Variants in RNLS observed in about 807,000 individuals in gnomAD.
RNLS encodes the protein renalase.
RNLS carries 39 observed loss-of-function variants against 39.8 expected under a neutral mutation model. That is an observed-to-expected ratio of 0.98 (90% CI 0.76 to 1.28). The LOEUF is 1.28. RNLS is among the 50% of genes most tolerant of loss of function. RNLS has a pLI of 0.00. For synonymous variants in RNLS, 147 were observed against 150.7 expected, an observed-to-expected ratio of 0.98 and a Z score of 0.18; for missense variants, 410 against 413.3, an observed-to-expected ratio of 0.99 and a Z score of 0.07.
At chr10:88,381,572 T>G (rs567236109) in intron 4 of RNLS, among the ~76,000 whole-genome samples, 2 of 152,116 alleles carry the variant, frequency 1.3e-5, no homozygotes, top group South Asian at 2.1e-4. Flanking sequence ...AGGCTTTCAG[T>G]TGATTCTCCT....
At chr10:88,386,197 T>A (rs936219585) in intron 4 of RNLS, among the ~76,000 whole-genome samples, 2 of 152,252 alleles carry the variant, frequency 1.3e-5, no homozygotes, top group African/African-American at 4.8e-5. Context: ...TTGTTAATAC[T>A]GTGCTTAGGA....
At chr10:88,343,811 G>T (rs1460499901) in intron 5 of RNLS, 1 of 985,172 alleles carries the variant, frequency 1.0e-6, no homozygotes, top group Admixed American at 6.2e-5. Context: ...TATTTGCACT[G>T]CCAAAAGGAA....
chr10:88,259,233 G>T, the RNLS span: 1 of 152,174 alleles, frequency 6.6e-6, no homozygotes, highest in African/African-American at 2.4e-5. Flanking sequence ...AAAGAGGGAG[G>T]AGTTTCCAAA....
chr10:88,304,796 C>T (rs1272122449), intron 6 of RNLS, among the ~76,000 whole-genome samples: 1 of 152,162 alleles, frequency 6.6e-6, no homozygotes, highest in African/African-American at 2.4e-5. Flanking sequence ...AGAGCCTCCC[C>T]ATCCTAGCTA....
At chr10:88,401,778 C>T (rs1274651759) in intron 4 of RNLS, among the ~76,000 whole-genome samples, 1 of 151,932 alleles carries the variant, frequency 6.6e-6, no homozygotes, top group South Asian at 2.1e-4. Flanking sequence ...ACATCTAAAG[C>T]AAAATGAGGT....
chr10:88,312,613 T>C (rs1845458472), intron 6 of RNLS, among the ~76,000 whole-genome samples: 1 of 152,162 alleles, frequency 6.6e-6, no homozygotes, highest in Admixed American at 6.6e-5. Context: ...AGTTATTTCA[T>C]CTCTGTGAGG....
At chr10:88,379,448 T>C (rs1479043588) in intron 4 of RNLS, among the ~76,000 whole-genome samples, 1 of 152,210 alleles carries the variant, frequency 6.6e-6, no homozygotes, top group Admixed American at 6.5e-5. Flanking sequence ...TTTTCTTTCT[T>C]TTCTGTCACT....
At chr10:88,444,697 G>A (rs1000648063) in intron 4 of RNLS, among the ~76,000 whole-genome samples, 13 of 152,282 alleles carry the variant, frequency 8.5e-5, no homozygotes, top group South Asian at 6.2e-4. Context: ...TAGCCGATTC[G>A]ATCAACTGGA....
chr10:88,373,929 C>A (rs1481035359), intron 4 of RNLS, among the ~76,000 whole-genome samples: 1 of 152,112 alleles, frequency 6.6e-6, no homozygotes, highest in Admixed American at 6.6e-5. Context: ...GTATAAATAA[C>A]TGTATAATAA....
At chr10:88,498,771 T>C (rs1175083684) in intron 4 of RNLS, among the ~76,000 whole-genome samples, 1 of 152,002 alleles carries the variant, frequency 6.6e-6, no homozygotes, top group Non-Finnish European at 1.5e-5. Context: ...AATGTGTGTA[T>C]ATACGTAGAG....
chr10:88,516,726 G>A (rs1450280683), intron 4 of RNLS, among the ~76,000 whole-genome samples: 1 of 151,932 alleles, frequency 6.6e-6, no homozygotes, highest in Admixed American at 6.6e-5. Context: ...AAGGCATACT[G>A]GATTGCATTA....
At chr10:88,351,684 C>T (rs377474292) in intron 5 of RNLS, among the ~76,000 whole-genome samples, 1 of 149,618 alleles carries the variant, frequency 6.7e-6, no homozygotes, top group African/African-American at 2.4e-5. Context: ...GCTTTGTTAG[C>T]AGGCTCTTTT....
At chr10:88,564,804 G>C (rs1054090324) in intron 4 of RNLS, among the ~76,000 whole-genome samples, 10 of 152,162 alleles carry the variant, frequency 6.6e-5, no homozygotes, top group African/African-American at 2.2e-4. Context: ...TCTCCCAGCT[G>C]GGAGGAAGTT....
At chr10:88,247,076 G>A in the RNLS span, among the ~76,000 whole-genome samples, 1 of 152,216 alleles carries the variant, frequency 6.6e-6, no homozygotes, top group South Asian at 2.1e-4. Flanking sequence ...AAAAAATCTT[G>A]GTGACTTCAA....
rs563897630 is a variant in RNLS, at chr10:88,366,411, G to T, written c.527-3686C>A. On this transcript the variant is annotated intron_variant, in intron 4 of 6. Coordinates refer to ENST00000331772, the MANE Select transcript of RNLS (RefSeq NM_001031709.3). ...TAGATTAGAGAGAACAGTAGAGGAA[G>T]CCAGAAGTGGCTACAGTTTGGATGA... Among the ~76,000 whole-genome samples the T allele has an allele frequency of 3.4e-4, 51 of 151,966 alleles. 2 individuals are homozygous for T. Among genetic ancestry groups the T allele is most frequent in the African/African-American group, 1.1e-3 (47 of 41,464 alleles).
chr10:88,202,287 G>C, the RNLS span, among the ~76,000 whole-genome samples: 1 of 129,786 alleles, frequency 7.7e-6, no homozygotes, highest in African/African-American at 2.8e-5. Flanking sequence ...ATCACACACC[G>C]GGGCCTGATG....
At chr10:88,526,371 C>T (rs957360555) in intron 4 of RNLS, among the ~76,000 whole-genome samples, 8 of 151,866 alleles carry the variant, frequency 5.3e-5, no homozygotes, top group African/African-American at 1.7e-4. Context: ...TTTATTTACG[C>T]TTCCTTATTT....
At chr10:88,423,999 T>C (rs1854561690) in intron 4 of RNLS, among the ~76,000 whole-genome samples, 1 of 152,186 alleles carries the variant, frequency 6.6e-6, no homozygotes, top group Non-Finnish European at 1.5e-5. Context: ...GTCTTGTTTT[T>C]CTTATCTCTC....
intron 4 of RNLS, among the ~76,000 whole-genome samples, chr10:88,363,195 A>G (rs1482453194): frequency 6.6e-6 from 1 of 151,756 alleles, no homozygotes; most frequent in Admixed American, 6.6e-5. Flanking sequence ...GACCTCTTAA[A>G]TTATTCCATG....
Sources: allele counts gnomAD v4.1 joint callset (sites outside exome capture counted in the v4.1 genomes callset), GRCh38; gene constraint gnomAD v4.1.1; transcripts MANE v1.5; gene names NCBI Gene and HGNC (gene_info 2026-07-23, HGNC 2026-07-21).